The following GSTCD variants were observed in gnomAD, a reference collection of about 807,000 sequenced individuals.
The protein encoded by GSTCD is glutathione S-transferase C-terminal domain-containing protein.
In GSTCD, 44 loss-of-function variants were observed where a neutral mutation model predicts 68.3. The observed-to-expected ratio is 0.64, with a 90% CI of 0.51 to 0.83. The LOEUF (loss-of-function observed/expected upper bound fraction) is 0.83, where lower values mean the gene tolerates loss of function less well. Among genes scored for constraint, GSTCD ranks in the 40% least tolerant of loss-of-function variants. The pLI, the probability that GSTCD is intolerant of heterozygous loss-of-function variation, is 0.00. For missense variants in GSTCD, 739 were observed against 735.9 expected, an observed-to-expected ratio of 1.00 and a Z score of -0.05; for synonymous variants, 273 against 255.2, an observed-to-expected ratio of 1.07 and a Z score of -0.67.
chr4:105,734,378 G>A (rs937015144), intron 5 of GSTCD, among the ~76,000 whole-genome samples: 1 of 152,168 alleles, frequency 6.6e-6, no homozygotes, highest in East Asian at 1.9e-4. Context: ...TGGAGGCTTT[G>A]TTCATTTCTT....
intron 1 of GSTCD, among the ~76,000 whole-genome samples, chr4:105,715,585 ATATT>A (rs1360289176): frequency 2.6e-5 from 4 of 152,102 alleles, no homozygotes; most frequent in Non-Finnish European, 4.4e-5. Flanking sequence ...TTTACTGACT[ATATT>A]TATTTTTTAT....
rs144910867 is a variant in GSTCD, at chr4:105,729,047, T to A, written c.1147-359T>A. Among the ~76,000 whole-genome samples, 14 of 152,272 alleles carry A rather than the reference T, an allele frequency of 9.2e-5. No individual in the cohort carries two copies. In the East Asian group the frequency reaches 2.5e-3, roughly 27 times the overall value. On this transcript the variant is annotated intron_variant, in intron 4 of 11. Coordinates refer to ENST00000515279, the MANE Select transcript of GSTCD (RefSeq NM_001370181.1). ...TTGATGGACATATGCAGAGTTCTTT[T>A]TTTATTATTTCTATGTGGATTGTTT... is the stretch of plus-strand genomic sequence containing the variant.
chr4:105,764,969 T>C (rs1340759245), intron 5 of GSTCD, among the ~76,000 whole-genome samples: 1 of 152,228 alleles, frequency 6.6e-6, no homozygotes, highest in Non-Finnish European at 1.5e-5. Context: ...AAAGTACTAG[T>C]ATGATGGCTT....
chr4:105,751,113 G>A (rs1733995761), intron 5 of GSTCD, among the ~76,000 whole-genome samples: 1 of 152,114 alleles, frequency 6.6e-6, no homozygotes, highest in African/African-American at 2.4e-5. Context: ...GAACTCAGGT[G>A]TGTAGTTAAC....
chr4:105,748,007 C>CA (rs1367385527), intron 5 of GSTCD, among the ~76,000 whole-genome samples: 1 of 152,096 alleles, frequency 6.6e-6, no homozygotes. Flanking sequence ...GTAATCCCAG[C>CA]ACTTTGGGAA....
intron 5 of GSTCD, among the ~76,000 whole-genome samples, chr4:105,802,089 G>T (rs1736125240): frequency 6.6e-6 from 1 of 152,078 alleles, no homozygotes; most frequent in Non-Finnish European, 1.5e-5. Flanking sequence ...GTAAAATGAG[G>T]ATAATGTTTA....
At chr4:105,799,076 TA>T (rs1350385329) in intron 5 of GSTCD, among the ~76,000 whole-genome samples, 1 of 152,240 alleles carries the variant, frequency 6.6e-6, no homozygotes, top group Non-Finnish European at 1.5e-5. Flanking sequence ...GTCATGGAGA[TA>T]TCTCCTTTAT....
chr4:105,807,000 C>T (rs951005060), intron 5 of GSTCD, among the ~76,000 whole-genome samples: 9 of 152,058 alleles, frequency 5.9e-5, no homozygotes, highest in South Asian at 2.1e-4. Context: ...ACACCGACCA[C>T]GCCATTTACG....
intron 4 of GSTCD, among the ~76,000 whole-genome samples, chr4:105,727,662 G>A (rs187965922): frequency 6.6e-5 from 10 of 150,580 alleles, no homozygotes; most frequent in African/African-American, 1.7e-4. Context: ...TTACATAAAA[G>A]CCTGGGTGAC....
chr4:105,725,141 C>CATTGTT (rs1400885703), intron 3 of GSTCD, among the ~76,000 whole-genome samples: 1 of 151,924 alleles, frequency 6.6e-6, no homozygotes, highest in Non-Finnish European at 1.5e-5. Flanking sequence ...TTGCAAATGC[C>CATTGTT]ATTGTTATTT....
At chr4:105,826,870 A>G (rs573821521) in intron 8 of GSTCD, among the ~76,000 whole-genome samples, 4 of 152,272 alleles carry the variant, frequency 2.6e-5, no homozygotes, top group South Asian at 2.1e-4. Flanking sequence ...ACTTTTATCA[A>G]CTTAACTAAT....
intron 5 of GSTCD, among the ~76,000 whole-genome samples, chr4:105,736,434 T>C (rs1056859379): frequency 2.0e-5 from 3 of 152,168 alleles, no homozygotes; most frequent in African/African-American, 7.2e-5. Context: ...CAGATTTCTT[T>C]AAAAAATGTT....
At chr4:105,728,811 A>G (rs545861433) in intron 4 of GSTCD, among the ~76,000 whole-genome samples, 2 of 152,262 alleles carry the variant, frequency 1.3e-5, no homozygotes, top group Non-Finnish European at 2.9e-5. Context: ...TACAGCTTCT[A>G]AGATGGAGAA....
Position 105,719,232 on chromosome 4 carries a change from T to G in GSTCD, c.599T>G (p.Leu200Arg). The change falls in exon 3 of 12, where the codon CTC (leucine) becomes CGC (arginine). Residue 200 changes from leucine to arginine, a missense_variant. Physicochemically the swap from Leu to Arg is moderately radical, Grantham distance 102. Coordinates refer to ENST00000515279, the MANE Select transcript of GSTCD (RefSeq NM_001370181.1). Reference sequence around the variant, plus strand: ...GATGATAAACTCCGCAGGCAGAAGCTCAAGCAACAGAAGGCTGATGGAGTT... The same window carrying G: ...GATGATAAACTCCGCAGGCAGAAGCGCAAGCAACAGAAGGCTGATGGAGTT... ...HNDDKLRRQK[L>R]KQQKADGVGP... 3 of 1,613,972 alleles carry G rather than the reference T, an allele frequency of 1.9e-6. No individual in the cohort carries two copies. The highest frequency in any genetic ancestry group is 2.5e-6 in the Non-Finnish European group (3 of 1,179,964).
chr4:105,742,616 A>T (rs1394275082), intron 5 of GSTCD, among the ~76,000 whole-genome samples: 3 of 152,216 alleles, frequency 2.0e-5, no homozygotes, highest in Admixed American at 6.5e-5. Context: ...GGAAACTGCA[A>T]ATGTTAAATA....
chr4:105,714,694 C>T (rs1732634392), intron 1 of GSTCD, among the ~76,000 whole-genome samples: 1 of 151,260 alleles, frequency 6.6e-6, no homozygotes, highest in African/African-American at 2.4e-5. Flanking sequence ...AGGGGGAAAA[C>T]CAACATCTAT....
At chr4:105,763,188 T>G (rs1300131795) in intron 5 of GSTCD, among the ~76,000 whole-genome samples, 1 of 152,172 alleles carries the variant, frequency 6.6e-6, no homozygotes, top group Non-Finnish European at 1.5e-5. Flanking sequence ...ATTTGTCTGT[T>G]ATGAACCCCT....
chr4:105,744,699 A>G (rs1733743480), intron 5 of GSTCD, among the ~76,000 whole-genome samples: 1 of 152,184 alleles, frequency 6.6e-6, no homozygotes, highest in Non-Finnish European at 1.5e-5. Context: ...GCATAACAAC[A>G]TATTACAGGC....
rs1314104192 is a variant in GSTCD at position 105,847,487 on chromosome 4, C to A, written c.*1910C>A. 1.3e-5 allele frequency: 2 copies of A among 152,048 alleles called. No homozygotes were observed. The highest frequency in any genetic ancestry group is 2.9e-5 in the Non-Finnish European group (2 of 68,004). 9.4% of individuals were successfully genotyped at this position (152,048 alleles called of 1,614,324 possible). A position where few individuals can be genotyped will look rare whatever the true frequency, so the allele number is the denominator to read the frequency against. On this transcript the variant is annotated 3_prime_UTR_variant, in exon 12 of 12. Transcript: ENST00000515279. ...ATACAATAACAGATTTTTAAGTATT[C>A]ATTTGAGATGTTTTGACAACTGTAT...
Sources: allele counts gnomAD v4.1 joint callset (sites outside exome capture counted in the v4.1 genomes callset), GRCh38; gene constraint gnomAD v4.1.1; transcripts MANE v1.5; gene names NCBI Gene and HGNC (gene_info 2026-07-23, HGNC 2026-07-21).